The following PPP2R2D variants were observed in gnomAD, a reference collection of about 807,000 sequenced individuals.
PPP2R2D encodes the protein serine/threonine-protein phosphatase 2A 55 kDa regulatory subunit B delta isoform.
In PPP2R2D, 9 loss-of-function variants were observed where a neutral mutation model predicts 31.1. The observed-to-expected ratio is 0.29, with a 90% confidence interval of 0.17 to 0.51. The LOEUF (loss-of-function observed/expected upper bound fraction) is 0.51. Ranked by LOEUF, PPP2R2D falls within the 20% of genes least tolerant of loss-of-function variation. PPP2R2D has a pLI of 0.98. For synonymous variants in PPP2R2D, 179 were observed against 172.6 expected, an observed-to-expected ratio of 1.04 and a Z score of -0.29; for missense variants, 391 against 465.6, an observed-to-expected ratio of 0.84 and a Z score of 1.48.
chr10:131,954,394 G>A (rs1254723643), intron 8 of PPP2R2D, among the ~76,000 whole-genome samples: 1 of 152,124 alleles, frequency 6.6e-6, no homozygotes, highest in Non-Finnish European at 1.5e-5. Flanking sequence ...TTACCCTTTC[G>A]TAAACATTGT....
chr10:131,904,757 G>T (rs2035555737), intron 2 of PPP2R2D, among the ~76,000 whole-genome samples: 1 of 152,174 alleles, frequency 6.6e-6, no homozygotes, highest in South Asian at 2.1e-4. Flanking sequence ...TAAGGCCTGG[G>T]TCCTCTCCTG....
intron 8 of PPP2R2D, among the ~76,000 whole-genome samples, chr10:131,953,331 ACTGT>A (rs2036723867): frequency 3.1e-4 from 30 of 98,282 alleles, no homozygotes; most frequent in South Asian, 7.6e-4. Flanking sequence ...GCGGGGGTTC[ACTGT>A]CTTAGTGACT....
In PPP2R2D at chr10:131,947,151, C is replaced by T. The variant is rs891244531; in HGVS notation, c.821-379C>T. 6.6e-6 allele frequency among the ~76,000 whole-genome samples: 1 copy of T among 152,148 alleles called. No individual in the cohort carries two copies. The highest frequency in any genetic ancestry group is 2.4e-5 in the African/African-American group (1 of 41,434). On this transcript the variant is annotated intron_variant, in intron 7 of 8. Transcript: ENST00000455566. The surrounding 1 kb of genome is among the most constrained non-coding windows in gnomAD (Gnocchi z 4.3). ...GTGCTCGGGCCTGGTGCCATGAGGA[C>T]GCGGAGACACTCCTACAGGAATGCG...
chr10:131,945,689 G>A lies in PPP2R2D; in HGVS notation c.820+230G>A, dbSNP rs919299012. The stretch of plus-strand genomic sequence containing the variant: ...TGACCAGACTGGTCTGACCTCAGGT[G>A]ATCCCCCTACCTCGGCCTCCCAAAG... On this transcript the variant is annotated intron_variant, in intron 7 of 8. Coordinates refer to ENST00000455566, the MANE Select transcript of PPP2R2D (RefSeq NM_018461.5). The surrounding 1 kb of genome is among the most constrained non-coding windows in gnomAD (Gnocchi z 4.8). 7.9e-6 allele frequency: 4 copies of A among 504,240 alleles called. No homozygotes were observed. Among genetic ancestry groups the A allele is most frequent in the Non-Finnish European group, 1.4e-5 (4 of 287,712 alleles). 31.2% of individuals were successfully genotyped at this position (504,240 alleles called of 1,614,324 possible).
chr10:131,945,216 G>C lies in PPP2R2D; in HGVS notation c.656-79G>C, dbSNP rs532308512. On this transcript the variant is annotated intron_variant, in intron 6 of 8. Transcript: ENST00000455566. The surrounding 1 kb of genome is among the most constrained non-coding windows in gnomAD (Gnocchi z 4.8). Reference sequence around the variant, plus strand: ...AACCTCACTGCGTGGATTATTTGGCGTCCTATTTCGCGTGACTGAATGTAG... The same window carrying C: ...AACCTCACTGCGTGGATTATTTGGCCTCCTATTTCGCGTGACTGAATGTAG... 2 of 1,486,112 alleles carry C rather than the reference G, an allele frequency of 1.3e-6. No individual in the cohort carries two copies. Among genetic ancestry groups the C allele is most frequent in the Non-Finnish European group, 1.8e-6 (2 of 1,093,488 alleles). The allele number at this position is 1,486,112 out of a possible 1,614,324, so 92.1% of individuals were successfully genotyped here. A position where few individuals can be genotyped will look rare whatever the true frequency, so the allele number is the denominator to read the frequency against.
At chr10:131,967,542 T>C in the PPP2R2D span, 2 of 152,362 alleles carry the variant, frequency 1.3e-5, no homozygotes, top group Non-Finnish European at 2.9e-5. Context: ...GAATTAAGCG[T>C]GGAAAGGTGA....
chr10:131,906,558 T>A (rs1413679203), intron 2 of PPP2R2D, among the ~76,000 whole-genome samples: 1 of 152,084 alleles, frequency 6.6e-6, no homozygotes, highest in African/African-American at 2.4e-5. Context: ...AGAAACATTT[T>A]AAGTCGCAGA....
chr10:131,958,687 G>GTGGAGATGAAGGCGTGTGCTGATCCCCCA lies in PPP2R2D; in HGVS notation c.*2725_*2726insGGAGATGAAGGCGTGTGCTGATCCCCCAT. 1.0e-5 allele frequency: 1 copy of GTGGAGATGAAGGCGTGTGCTGATCCCCCA among 98,626 alleles called. No individual in the cohort carries two copies. The highest frequency in any genetic ancestry group is 1.8e-5 in the Non-Finnish European group (1 of 54,680). 6.1% of individuals were successfully genotyped at this position (98,626 alleles called of 1,614,324 possible). On this transcript the variant is annotated 3_prime_UTR_variant, in exon 9 of 9. Coordinates refer to ENST00000455566, the MANE Select transcript of PPP2R2D (RefSeq NM_018461.5). ...AGATGAAGATGTGTGCTGATCCCCCGTCCTCCTGTGGAGATGAAGGTGTGT... is the reference window on the plus strand; with the variant it reads ...AGATGAAGATGTGTGCTGATCCCCCGTGGAGATGAAGGCGTGTGCTGATCCCCCATCCTCCTGTGGAGATGAAGGTGTGT...
At chr10:131,908,765 C>T (rs2035638520) in intron 2 of PPP2R2D, among the ~76,000 whole-genome samples, 2 of 152,192 alleles carry the variant, frequency 1.3e-5, no homozygotes, top group South Asian at 2.1e-4. Flanking sequence ...GGTAACTGTT[C>T]AGAGGCTGTT....
At chr10:131,934,761 C>T (rs2036308261) in intron 3 of PPP2R2D, 1 of 588,642 alleles carries the variant, frequency 1.7e-6, no homozygotes, top group African/African-American at 1.8e-5. Context: ...AGGCCTTTGT[C>T]TTCAGAGTAG....
chr10:131,951,286 T>A (rs2036631080), intron 8 of PPP2R2D, among the ~76,000 whole-genome samples: 1 of 152,208 alleles, frequency 6.6e-6, no homozygotes, highest in Non-Finnish European at 1.5e-5. Context: ...GAAAACGTGC[T>A]CAGATACCTG....
At chr10:131,961,532 T>TA (rs1554901455), downstream of PPP2R2D, among the ~76,000 whole-genome samples, 3 of 152,156 alleles carry the variant, frequency 2.0e-5, no homozygotes, top group Non-Finnish European at 2.9e-5. Flanking sequence ...ACTGGGGTGA[T>TA]ACTGGGCTTG....
intron 2 of PPP2R2D, among the ~76,000 whole-genome samples, chr10:131,909,707 T>G (rs1305248273): frequency 6.6e-6 from 1 of 152,200 alleles, no homozygotes. Flanking sequence ...GTTTGCAAAG[T>G]CTTTTGGTGC....
chr10:131,913,516 G>T (rs1380082601), intron 2 of PPP2R2D, among the ~76,000 whole-genome samples: 1 of 152,140 alleles, frequency 6.6e-6, no homozygotes, highest in Non-Finnish European at 1.5e-5. Context: ...AAGAAAAAGG[G>T]CTGAGATCCA....
At chr10:131,965,742 G>A in the PPP2R2D span, among the ~76,000 whole-genome samples, 1 of 152,214 alleles carries the variant, frequency 6.6e-6, no homozygotes, top group South Asian at 2.1e-4. Context: ...CACAGCGCCT[G>A]GCCGGGGGCT....
chr10:131,949,042 C>T (rs1554898460), intron 8 of PPP2R2D, among the ~76,000 whole-genome samples: 1 of 152,190 alleles, frequency 6.6e-6, no homozygotes, highest in African/African-American at 2.4e-5. Context: ...CCTGCCTCCA[C>T]GAGGGCTGTG....
rs996224887 is a variant in PPP2R2D at position 131,905,921 on chromosome 10, A to T, written c.100+4591A>T. Among the ~76,000 whole-genome samples, 113 of 152,366 alleles carry T rather than the reference A, an allele frequency of 7.4e-4. No homozygotes were observed. The East Asian group carries it at 0.02, about 27-fold the overall frequency. ...AAATCTTACTACCAAGAGGCGTGTG[A>T]AAATGCTTTTGAAGGCAAATGAAAA... On this transcript the variant is annotated intron_variant, in intron 2 of 8. Coordinates refer to ENST00000455566, the MANE Select transcript of PPP2R2D (RefSeq NM_018461.5).
rs187799146 is a variant in PPP2R2D, at chr10:131,919,744, C to A, written c.101-14714C>A. The stretch of plus-strand genomic sequence containing the variant: ...TGACACAGTGTTCGTAGGGACCTCA[C>A]GTGGGTGGAATGACAGAGTGTAGGG... On this transcript the variant is annotated intron_variant, in intron 2 of 8. Coordinates refer to ENST00000455566, the MANE Select transcript of PPP2R2D (RefSeq NM_018461.5). 1.7e-3 allele frequency among the ~76,000 whole-genome samples: 188 copies of A among 112,838 alleles called. 30 individuals are homozygous for A. Among genetic ancestry groups the A allele is most frequent in the African/African-American group, 5.7e-3 (164 of 28,642 alleles). 74.0% of individuals were successfully genotyped at this position (112,838 alleles called of 152,430 possible).
chr10:131,967,686 T>C, the PPP2R2D span: 8 of 152,664 alleles, frequency 5.2e-5, no homozygotes, highest in Non-Finnish European at 8.8e-5. Context: ...TACAGTAATC[T>C]GAAGGATTTG....
Sources: allele counts gnomAD v4.1 joint callset (sites outside exome capture counted in the v4.1 genomes callset), GRCh38; gene constraint gnomAD v4.1.1; non-coding constraint Gnocchi (gnomAD v3.1); transcripts MANE v1.5; gene names NCBI Gene and HGNC (gene_info 2026-07-23, HGNC 2026-07-21).